Variants in ADCK2 observed in about 807,000 individuals in gnomAD.
The protein encoded by ADCK2 is aarF domain containing kinase 2.
ADCK2 carries 37 observed loss-of-function variants against 52.3 expected under a neutral mutation model. That is an observed-to-expected ratio of 0.71 (90% confidence interval 0.54 to 0.93). The LOEUF (loss-of-function observed/expected upper bound fraction) is 0.93, where lower values mean the gene tolerates loss of function less well. Among genes scored for constraint, ADCK2 ranks in the 40% least tolerant of loss-of-function variants. The probability of loss-of-function intolerance (pLI) is 0.00; values close to 1 mark genes in which losing one functional copy is unlikely to be tolerated. For missense variants in ADCK2, 695 were observed against 798.7 expected (o/e 0.87, Z 1.56); for synonymous variants, 321 against 349.2 (o/e 0.92, Z 0.90).
Position 140,687,146 on chromosome 7 carries a change from C to A in ADCK2, c.1462C>A (p.Arg488=). 6.2e-7 allele frequency: 1 copy of A among 1,612,796 alleles called. No homozygotes were observed. ...VAVPSSLCPL[R]LVLLDAGIVA... is the part of the protein sequence containing the mutation. ...CGTGCCATCTTCCCTCTGCCCGCTG[C>A]GACTGGTGCTGCTGGATGCTGGCAT... Residue 488 remains arginine, a synonymous_variant, in exon 5 of 8, where the codon CGA becomes AGA. Coordinates refer to ENST00000072869, the MANE Select transcript of ADCK2 (RefSeq NM_052853.4).
intron 4 of ADCK2, among the ~76,000 whole-genome samples, chr7:140,685,416 C>A (rs1191016103): frequency 6.6e-6 from 1 of 151,424 alleles, no homozygotes; most frequent in Non-Finnish European, 1.5e-5. Context: ...CACCATTGTA[C>A]TCTAGCCTGG....
intron 3 of ADCK2, among the ~76,000 whole-genome samples, chr7:140,679,996 G>T (rs1367201874): frequency 6.6e-6 from 1 of 152,094 alleles, no homozygotes; most frequent in African/African-American, 2.4e-5. Context: ...TACAGATGGT[G>T]ATATGAGATT....
In ADCK2 at chr7:140,685,651, CT is replaced by C. The variant is rs1451550682; in HGVS notation, c.1306-1337del. 2.6e-5 allele frequency among the ~76,000 whole-genome samples: 4 copies of C among 152,168 alleles called. No homozygotes were observed. The East Asian group carries it at 7.7e-4, about 29-fold the overall frequency. ...GCCACAGTCTGGACTAGGACAGTCC[CT>C]TCATGGTCTGCCGCCATAAGGGATG... is the stretch of plus-strand genomic sequence containing the variant. On this transcript the variant is annotated intron_variant, in intron 4 of 7. Transcript: ENST00000072869.
chr7:140,690,300 T>C (rs953507162), intron 6 of ADCK2, among the ~76,000 whole-genome samples: 2 of 152,116 alleles, frequency 1.3e-5, no homozygotes, highest in East Asian at 3.9e-4. Flanking sequence ...CCTCCCGGAT[T>C]CAAGCGATTC....
At position 140,688,810 on chromosome 7, in the gene ADCK2, ATTAT is replaced by A. The variant is rs1367846644; in HGVS notation, c.1558-783_1558-780del. The stretch of plus-strand genomic sequence containing the variant: ...TGAGGGTCTGCAGTGGTTGAGAATG[ATTAT>A]TTAGAGAAAAGGCATTCGGCAAGGC... On this transcript the variant is annotated intron_variant, in intron 5 of 7. Coordinates refer to ENST00000072869, the MANE Select transcript of ADCK2 (RefSeq NM_052853.4). Among the ~76,000 whole-genome samples, 4 of 152,320 alleles carry A rather than the reference ATTAT, an allele frequency of 2.6e-5. No individual in the cohort carries two copies. In the East Asian group the frequency reaches 7.7e-4, roughly 29 times the overall value.
intron 4 of ADCK2, among the ~76,000 whole-genome samples, chr7:140,681,716 C>A (rs1794520255): frequency 6.6e-6 from 1 of 152,046 alleles, no homozygotes; most frequent in African/African-American, 2.4e-5. Flanking sequence ...CTCTTGGGCT[C>A]AAGTGATCCT....
rs1410217289 is a variant in ADCK2, at chr7:140,673,964, G to GC, written c.637dup (p.Gln213ProfsTer15). 6 of 1,614,036 alleles carry GC rather than the reference G, an allele frequency of 3.7e-6. No homozygotes were observed. Among genetic ancestry groups the GC allele is most frequent in the African/African-American group, 1.3e-5 (1 of 75,058 alleles). ...GGAACCTGTGGGCTCAGGCTGCGTG[G>GC]CCCAGGTGTACAAAGCATACGCCAA... is the stretch of plus-strand genomic sequence containing the variant. On this transcript the variant is annotated frameshift_variant, in exon 1 of 8. Coordinates refer to ENST00000072869, the MANE Select transcript of ADCK2 (RefSeq NM_052853.4). LOFTEE classifies it high-confidence loss of function. This position sits in a 1 kb window ranked among gnomAD's most constrained non-coding sequence, Gnocchi z 6.4.
chr7:140,686,262 TTTTA>T (rs1030383280), intron 4 of ADCK2, among the ~76,000 whole-genome samples: 4 of 152,234 alleles, frequency 2.6e-5, no homozygotes, highest in African/African-American at 9.6e-5. Context: ...AGACTTTTTA[TTTTA>T]TTTATTTATT....
Position 140,687,197 on chromosome 7 carries a change from C to G in ADCK2, c.1513C>G (p.Leu505Val). The G allele has an allele frequency of 6.3e-7, 1 of 1,587,256 alleles. No individual in the cohort carries two copies. Among genetic ancestry groups the G allele is most frequent in the Non-Finnish European group, 8.6e-7 (1 of 1,165,510 alleles). Residue 505 changes from leucine to valine, a missense_variant, in exon 5 of 8, where the codon CTG becomes GTG. Transcript: ENST00000072869. ...TGTGGCGGAGCTGCAGGCCCCTGAC[C>G]TGAGGAATTTCCGGGCAGTTTTCAT... is the stretch of plus-strand genomic sequence containing the variant. The part of the protein sequence containing the change: ...GIVAELQAPD[L>V]RNFRAVFMAV...
Position 140,673,360 on chromosome 7 carries a change from G to C in ADCK2, c.30G>C (p.Arg10Ser). Residue 10 changes from arginine to serine, a missense_variant, in exon 1 of 8, where the codon AGG becomes AGC. Arg to Ser is a moderately radical substitution (Grantham distance 110). Coordinates refer to ENST00000072869, the MANE Select transcript of ADCK2 (RefSeq NM_052853.4). This position sits in a 1 kb window ranked among gnomAD's most constrained non-coding sequence, Gnocchi z 6.4. MVAPWRVSV[R>S]VCLSHLRCFE... ...TGGCGCCCTGGCGCGTCTCCGTCAG[G>C]GTTTGCCTGTCGCACCTGAGGTGCT... 1 of 1,491,288 alleles carries C rather than the reference G, an allele frequency of 6.7e-7. No individual in the cohort carries two copies. The highest frequency in any genetic ancestry group is 8.9e-7 in the Non-Finnish European group (1 of 1,119,456). 92.4% of individuals were successfully genotyped at this position (1,491,288 alleles called of 1,614,324 possible). A position where few individuals can be genotyped will look rare whatever the true frequency, so the allele number is the denominator to read the frequency against.
Position 140,673,972 on chromosome 7 carries a change from G to A in ADCK2, c.642G>A (p.Val214=). 2 of 1,614,100 alleles carry A rather than the reference G, an allele frequency of 1.2e-6. No homozygotes were observed. The highest frequency in any genetic ancestry group is 1.3e-5 in the African/African-American group (1 of 75,078). The stretch of plus-strand genomic sequence containing the variant: ...TGGGCTCAGGCTGCGTGGCCCAGGT[G>A]TACAAAGCATACGCCAACACTGCCT... ...EPVGSGCVAQ[V]YKAYANTAFL... is the part of the protein sequence containing the mutation. Residue 214 remains valine, a synonymous_variant, in exon 1 of 8, where the codon GTG becomes GTA. Transcript: ENST00000072869. This position sits in a 1 kb window ranked among gnomAD's most constrained non-coding sequence, Gnocchi z 6.4.
intron 5 of ADCK2, among the ~76,000 whole-genome samples, chr7:140,687,835 A>T (rs539489756): frequency 2.7e-3 from 402 of 148,608 alleles, no homozygotes; most frequent in South Asian, 4.7e-3. Context: ...CTAGGATTGC[A>T]CTGCTCTACT....
intron 5 of ADCK2, among the ~76,000 whole-genome samples, chr7:140,688,684 A>G (rs1484111930): frequency 1.3e-5 from 2 of 152,328 alleles, no homozygotes; most frequent in East Asian, 1.9e-4. Context: ...CAGGCTGGTG[A>G]GATGCGACAG....
intron 4 of ADCK2, among the ~76,000 whole-genome samples, chr7:140,681,386 C>T (rs1329665031): frequency 2.0e-5 from 3 of 151,466 alleles, no homozygotes; most frequent in Non-Finnish European, 2.9e-5. Flanking sequence ...GGCGTGATCT[C>T]GGCTCACTGC....
chr7:140,691,169 A>G (rs1049851493), intron 7 of ADCK2, among the ~76,000 whole-genome samples: 1 of 151,662 alleles, frequency 6.6e-6, no homozygotes, highest in African/African-American at 2.4e-5. Flanking sequence ...CAGGTGATCC[A>G]CCCTTCTCGG....
chr7:140,678,344 C>T lies in ADCK2; in HGVS notation c.1081-811C>T, dbSNP rs1386163038. ...GAGCTTCAGGGTCTCTGGGCTCCCA[C>T]CGGGCCACATCCAGGTGTCATTGGA... On this transcript the variant is annotated intron_variant, in intron 2 of 7. Transcript: ENST00000072869. The surrounding 1 kb of genome is among the most constrained non-coding windows in gnomAD (Gnocchi z 4.9). Among the ~76,000 whole-genome samples, 2 of 152,138 alleles carry T rather than the reference C, an allele frequency of 1.3e-5. No homozygotes were observed. The highest frequency in any genetic ancestry group is 2.9e-5 in the Non-Finnish European group (2 of 68,010).
At position 140,689,682 on chromosome 7, in the gene ADCK2, T is replaced by G. The variant is rs756029213; in HGVS notation, c.1643T>G (p.Met548Arg). Residue 548 changes from methionine (M) to arginine (R), a missense_variant, in exon 6 of 8, where the codon ATG becomes AGG. Met to Arg is a moderately conservative substitution (Grantham distance 91, BLOSUM62 -1). Coordinates refer to ENST00000072869, the MANE Select transcript of ADCK2 (RefSeq NM_052853.4). ...DVEGFKTEMA[M>R]LVTQARKNTI... ...GAGGGGTTCAAAACCGAGATGGCCA[T>G]GCTGGTGACCCAGGCCAGGAAGAAC... 1 of 1,613,690 alleles carries G rather than the reference T, an allele frequency of 6.2e-7. No homozygotes were observed. The highest frequency in any genetic ancestry group is 1.1e-5 in the South Asian group (1 of 91,018).
chr7:140,687,387 C>A, intron 5 of ADCK2, 146 bp downstream of exon 5: 1 of 1,118,794 alleles, frequency 8.9e-7, no homozygotes, highest in Non-Finnish European at 1.2e-6. Flanking sequence ...CAAGGCCAGC[C>A]TGAGCAACAT....
chr7:140,689,796 C>A, intron 6 of ADCK2, 71 bp downstream of exon 6: 1 of 1,439,780 alleles, frequency 6.9e-7, no homozygotes, highest in South Asian at 1.5e-5. Flanking sequence ...GATCCTGGGT[C>A]TAAGGGAGAC....
Sources: gnomAD v4.1 joint callset for allele counts (sites outside exome capture counted in the v4.1 genomes callset) on GRCh38, gnomAD v4.1.1 for gene constraint, Gnocchi (gnomAD v3.1) non-coding constraint, MANE v1.5 for transcripts, NCBI Gene and HGNC (gene_info 2026-07-23, HGNC 2026-07-21) for gene names.